The following ASCC3 variants were observed in gnomAD, a reference collection of about 807,000 sequenced individuals.
ASCC3 encodes ASC-1 complex subunit P200.
In ASCC3, 158 loss-of-function variants were observed where a neutral mutation model predicts 256.3. The observed-to-expected ratio is 0.62, with a 90% CI of 0.54 to 0.70. The LOEUF (loss-of-function observed/expected upper bound fraction) is 0.70. Among genes scored for constraint, ASCC3 ranks in the 30% least tolerant of loss-of-function variants. The pLI is 0.00. For missense variants in ASCC3, 2,259 were observed against 2,626.0 expected, an observed-to-expected ratio of 0.86 and a Z score of 3.05; for synonymous variants, 948 against 883.4, an observed-to-expected ratio of 1.07 and a Z score of -1.30.
chr6:100,583,523 C>T (rs1260151063), intron 36 of ASCC3, among the ~76,000 whole-genome samples: 4 of 151,982 alleles, frequency 2.6e-5, no homozygotes. Flanking sequence ...TTTTGTTGAT[C>T]CTTTCCAAAA....
At chr6:100,582,300 A>C (rs1298710871) in intron 36 of ASCC3, among the ~76,000 whole-genome samples, 2 of 151,968 alleles carry the variant, frequency 1.3e-5, no homozygotes, top group African/African-American at 4.8e-5. Flanking sequence ...AAGGTCCTTC[A>C]CGTCCCTTGT....
At chr6:100,784,666 GA>G (rs1320089882) in intron 8 of ASCC3, among the ~76,000 whole-genome samples, 1 of 151,964 alleles carries the variant, frequency 6.6e-6, no homozygotes, top group Non-Finnish European at 1.5e-5. Flanking sequence ...ATTCTGGAAA[GA>G]TATATATCAA....
intron 13 of ASCC3, among the ~76,000 whole-genome samples, chr6:100,712,055 G>A (rs2115015660): frequency 6.6e-6 from 1 of 152,242 alleles, no homozygotes; most frequent in Non-Finnish European, 1.5e-5. Context: ...GGAAACAACT[G>A]GCCATCAATA....
chr6:100,689,230 G>A (rs541743359), intron 13 of ASCC3, among the ~76,000 whole-genome samples: 16 of 152,102 alleles, frequency 1.1e-4, no homozygotes, highest in Non-Finnish European at 2.4e-4. Flanking sequence ...TCACCCCAAT[G>A]TTAAGACTAA....
chr6:100,767,054 T>C (rs1781690480), intron 9 of ASCC3, 91 bp downstream of exon 9: 1 of 1,293,692 alleles, frequency 7.7e-7, no homozygotes, highest in Non-Finnish European at 1.1e-6. Context: ...ACAATATCTT[T>C]AAGAACTTTC....
chr6:100,870,727 C>G (rs1316017620), intron 1 of ASCC3, among the ~76,000 whole-genome samples: 1 of 152,090 alleles, frequency 6.6e-6, no homozygotes, highest in Non-Finnish European at 1.5e-5. Flanking sequence ...TTTCAACTAC[C>G]TGTTGGGAGT....
rs1222936427 is a variant in ASCC3, at chr6:100,532,420, T to A, written c.5775+7743A>T. On this transcript the variant is annotated intron_variant, in intron 37 of 41. Transcript: ENST00000369162. ...TATATATATATATTTTTTTTTTTTT[T>A]TTTTTTTAAATTACAAAAGCCATGA... is the stretch of plus-strand genomic sequence containing the variant. Among the ~76,000 whole-genome samples the A allele has an allele frequency of 9.2e-5, 13 of 140,602 alleles. No individual in the cohort carries two copies. The East Asian group carries it at 2.1e-3, about 23-fold the overall frequency. 92.2% of individuals were successfully genotyped at this position (140,602 alleles called of 152,430 possible).
chr6:100,750,282 T>C (rs901127725), intron 10 of ASCC3, among the ~76,000 whole-genome samples: 6 of 152,026 alleles, frequency 3.9e-5, no homozygotes, highest in African/African-American at 1.4e-4. Context: ...ATTTCAAAGG[T>C]ATATGATGAG....
intron 8 of ASCC3, among the ~76,000 whole-genome samples, chr6:100,769,349 C>T (rs972353683): frequency 9.2e-5 from 14 of 151,656 alleles, no homozygotes; most frequent in Non-Finnish European, 4.4e-5. Flanking sequence ...TTCAAGATAG[C>T]TAGAAGAAAA....
chr6:100,625,387 G>T, intron 29 of ASCC3, 53 bp from the exon 30 acceptor site: 2 of 1,584,982 alleles, frequency 1.3e-6, no homozygotes, highest in Admixed American at 1.7e-5. Flanking sequence ...CCCAGAATAT[G>T]AATTTCATTA....
chr6:100,595,475 C>A (rs1178721540), intron 34 of ASCC3, among the ~76,000 whole-genome samples: 2 of 152,034 alleles, frequency 1.3e-5, no homozygotes, highest in African/African-American at 4.8e-5. Flanking sequence ...TTTACTTAGG[C>A]ACATTTTTCC....
chr6:100,586,383 G>A (rs372242590), intron 36 of ASCC3, among the ~76,000 whole-genome samples: 6 of 152,166 alleles, frequency 3.9e-5, no homozygotes, highest in African/African-American at 7.2e-5. Flanking sequence ...AGGACCCTCC[G>A]AGCCAGGTGC....
chr6:100,524,925 C>T (rs1488876829), intron 37 of ASCC3, among the ~76,000 whole-genome samples: 2 of 151,686 alleles, frequency 1.3e-5, no homozygotes, highest in South Asian at 2.1e-4. Flanking sequence ...GGAGCAGTGG[C>T]TCACGCCTGT....
chr6:100,877,668 T>C (rs1769049799), intron 1 of ASCC3, among the ~76,000 whole-genome samples: 1 of 152,162 alleles, frequency 6.6e-6, no homozygotes, highest in African/African-American at 2.4e-5. Flanking sequence ...TTCTTGAATC[T>C]ACCAAACACT....
At chr6:100,720,896 C>A (rs1779298239) in intron 11 of ASCC3, among the ~76,000 whole-genome samples, 1 of 146,444 alleles carries the variant, frequency 6.8e-6, no homozygotes, top group Non-Finnish European at 1.5e-5. Flanking sequence ...ACATAATAAA[C>A]CTATAATATA....
chr6:100,794,274 C>T (rs1208191156), intron 8 of ASCC3, among the ~76,000 whole-genome samples: 2 of 152,018 alleles, frequency 1.3e-5, no homozygotes, highest in Non-Finnish European at 2.9e-5. Flanking sequence ...TTTTCAAAGC[C>T]CTTCATGTGC....
At chr6:100,614,020 G>T (rs75820567) in intron 30 of ASCC3, among the ~76,000 whole-genome samples, 4,609 of 151,960 alleles carry the variant, frequency 0.03, 77 homozygotes, top group African/African-American at 0.055. Flanking sequence ...ATCAAAACTG[G>T]GTTGTAGGGT....
intron 20 of ASCC3, 140 bp from the exon 21 acceptor site, chr6:100,647,591 T>C: frequency 1.4e-6 from 1 of 728,652 alleles, no homozygotes; most frequent in Non-Finnish European, 2.4e-6. Context: ...TCTTTTCTCA[T>C]ATAATCCTAA....
intron 4 of ASCC3, among the ~76,000 whole-genome samples, chr6:100,829,896 T>C (rs774546875): frequency 2.6e-5 from 4 of 152,028 alleles, no homozygotes; most frequent in Non-Finnish European, 5.9e-5. Context: ...TTAAGTAGAA[T>C]AAGGGTTACT....
Sources: gnomAD v4.1 joint callset for allele counts (sites outside exome capture counted in the v4.1 genomes callset) on GRCh38, gnomAD v4.1.1 for gene constraint, MANE v1.5 for transcripts, NCBI Gene and HGNC (gene_info 2026-07-23, HGNC 2026-07-21) for gene names.